Variants in MTMR14 observed in about 807,000 individuals in gnomAD.
MTMR14 encodes phosphatidylinositol-3,5-bisphosphate 3-phosphatase MTMR14.
Under a neutral mutation model 86.3 loss-of-function variants are expected in MTMR14, and 48 were observed. That is an observed-to-expected ratio of 0.56 (90% CI 0.44 to 0.71). The LOEUF is 0.71. Among genes scored for constraint, MTMR14 ranks in the 30% least tolerant of loss-of-function variants. The pLI is 0.00. For synonymous variants in MTMR14, 366 were observed against 326.1 expected, an observed-to-expected ratio of 1.12 and a Z score of -1.32; for missense variants, 780 against 834.6, an observed-to-expected ratio of 0.93 and a Z score of 0.81.
In MTMR14 at chr3:9,669,320, C is replaced by T. The variant is rs2048439460; in HGVS notation, c.494-112C>T. The T allele has an allele frequency of 4.0e-6, 4 of 997,112 alleles. No individual in the cohort carries two copies. The South Asian group carries it at 4.5e-5, about 11-fold the overall frequency. The allele number at this position is 997,112 out of a possible 1,614,324, so 61.8% of individuals were successfully genotyped here. ...CATACTGTGTCCTTAGGAGTAGAGC[C>T]ATGTAGTCCCAGCCCACCCTTGGCA... On this transcript the variant is annotated intron_variant, in intron 4 of 18. Coordinates refer to ENST00000296003, the MANE Select transcript of MTMR14 (RefSeq NM_001077525.3).
At chr3:9,691,919 G>T (rs1467603407) in intron 17 of MTMR14, among the ~76,000 whole-genome samples, 4 of 152,144 alleles carry the variant, frequency 2.6e-5, no homozygotes, top group African/African-American at 9.7e-5. Context: ...TCTTTCCGCT[G>T]GTCTGTTTGG....
At chr3:9,656,364 C>T (rs1050017360) in intron 2 of MTMR14, among the ~76,000 whole-genome samples, 25 of 151,958 alleles carry the variant, frequency 1.6e-4, no homozygotes, top group Admixed American at 1.6e-3. Context: ...TTGTTATGGC[C>T]CTGTTATTTA....
At chr3:9,683,331 G>T (rs1028733587) in intron 10 of MTMR14, 87 bp downstream of exon 10, 11 of 1,262,988 alleles carry the variant, frequency 8.7e-6, no homozygotes, top group Non-Finnish European at 1.2e-5. Flanking sequence ...GTTTGTTGGA[G>T]TTGCACACCT....
rs1038615359 is a variant in MTMR14, at chr3:9,649,517, C to A, written c.-67C>A. ...GAGGCGGTTCCGGAGGTTCTAGTGT[C>A]GGAGTTGGGTGCAGGCAGGTGCCAT... On this transcript the variant is annotated 5_prime_UTR_variant, in exon 1 of 19. Coordinates refer to ENST00000296003, the MANE Select transcript of MTMR14 (RefSeq NM_001077525.3). The A allele has an allele frequency of 3.4e-6, 5 of 1,485,690 alleles. No homozygotes were observed. The highest frequency in any genetic ancestry group is 4.5e-6 in the Non-Finnish European group (5 of 1,121,522). 92.0% of individuals were successfully genotyped at this position (1,485,690 alleles called of 1,614,324 possible). A position where few individuals can be genotyped will look rare whatever the true frequency, so the allele number is the denominator to read the frequency against.
chr3:9,698,886 A>G (rs2076364567), intron 18 of MTMR14, among the ~76,000 whole-genome samples: 1 of 151,932 alleles, frequency 6.6e-6, no homozygotes, highest in Admixed American at 6.6e-5. Flanking sequence ...AAAAAATTGC[A>G]GGCCGGGCAT....
intron 3 of MTMR14, among the ~76,000 whole-genome samples, chr3:9,666,674 G>C (rs2048270468): frequency 6.6e-6 from 1 of 152,154 alleles, no homozygotes; most frequent in African/African-American, 2.4e-5. Context: ...CTGGCTTTTA[G>C]ACCATTGAAA....
chr3:9,657,630 A>G (rs1313946158), intron 2 of MTMR14, among the ~76,000 whole-genome samples: 2 of 151,734 alleles, frequency 1.3e-5, no homozygotes, highest in African/African-American at 4.8e-5. Flanking sequence ...GGCTCACTGC[A>G]ACCTCTGCCG....
intron 3 of MTMR14, among the ~76,000 whole-genome samples, chr3:9,665,127 C>T (rs1331207084): frequency 6.6e-6 from 1 of 151,928 alleles, no homozygotes; most frequent in African/African-American, 2.4e-5. Context: ...AATAAAAATA[C>T]AAAAATTAGC....
chr3:9,674,915 C>G (rs2048771475), intron 7 of MTMR14, among the ~76,000 whole-genome samples: 1 of 152,198 alleles, frequency 6.6e-6, no homozygotes, highest in Non-Finnish European at 1.5e-5. Flanking sequence ...AGTTCAAGAC[C>G]AGCCTGACCA....
At position 9,667,083 on chromosome 3, in the gene MTMR14, T is replaced by C. The variant is rs148974135; in HGVS notation, c.418-1636T>C. ...CAATAGAAGGGATGTGGAAGAATAATTGGGAACAGAAAAAGGGTCTCAGAA... is the reference window on the plus strand; with the variant it reads ...CAATAGAAGGGATGTGGAAGAATAACTGGGAACAGAAAAAGGGTCTCAGAA... On this transcript the variant is annotated intron_variant, in intron 3 of 18. Transcript: ENST00000296003. 2.2e-3 allele frequency among the ~76,000 whole-genome samples: 342 copies of C among 152,238 alleles called. 4 individuals carry two copies. The highest frequency in any genetic ancestry group is 0.019 in the East Asian group (99 of 5,184).
chr3:9,701,902 G>C lies in MTMR14; in HGVS notation c.1882G>C (p.Ala628Pro), dbSNP rs755913682. The change falls in exon 19 of 19, where the codon GCC becomes CCC. Residue 628 changes from alanine to proline, a missense_variant. Physicochemically the swap from Ala to Pro is conservative, Grantham distance 27. Coordinates refer to ENST00000296003, the MANE Select transcript of MTMR14 (RefSeq NM_001077525.3). The surrounding 1 kb of genome is among the most constrained non-coding windows in gnomAD (Gnocchi z 4.2). ...GGCAGTAGCCCCCAGTCCTTCCGGT[G>C]CCATCGGGGGCCTGCTGGAGCAATT... ...LRAVAPSPSG[A>P]IGGLLEQFAR... The C allele has an allele frequency of 5.0e-6, 8 of 1,614,092 alleles. No individual in the cohort carries two copies. The highest frequency in any genetic ancestry group is 1.6e-4 in the Middle Eastern group (1 of 6,078).
intron 3 of MTMR14, among the ~76,000 whole-genome samples, chr3:9,666,977 C>A (rs538872796): frequency 1.3e-5 from 2 of 152,208 alleles, no homozygotes; most frequent in Non-Finnish European, 2.9e-5. Context: ...CACTTGGGGA[C>A]TTGGCCAACT....
At chr3:9,661,340 C>A (rs1000068009) in intron 2 of MTMR14, among the ~76,000 whole-genome samples, 3 of 152,186 alleles carry the variant, frequency 2.0e-5, no homozygotes, top group Admixed American at 2.0e-4. Flanking sequence ...AGATTCTCTG[C>A]AACCCCAGTC....
chr3:9,694,654 CTGTAGG>C (rs1202162294), intron 17 of MTMR14, among the ~76,000 whole-genome samples: 1 of 152,206 alleles, frequency 6.6e-6, no homozygotes, highest in African/African-American at 2.4e-5. Flanking sequence ...GTCCGAGAGC[CTGTAGG>C]CTCTGTCATG....
Position 9,677,465 on chromosome 3 carries a change from T to G in MTMR14, c.822+78T>G, listed in dbSNP as rs1039994415. 7.7e-7 allele frequency: 1 copy of G among 1,304,856 alleles called. No individual in the cohort carries two copies. Among genetic ancestry groups the G allele is most frequent in the African/African-American group, 1.5e-5 (1 of 68,830 alleles). 80.8% of individuals were successfully genotyped at this position (1,304,856 alleles called of 1,614,324 possible). A position where few individuals can be genotyped will look rare whatever the true frequency, so the allele number is the denominator to read the frequency against. On this transcript the variant is annotated intron_variant, in intron 8 of 18. Coordinates refer to ENST00000296003, the MANE Select transcript of MTMR14 (RefSeq NM_001077525.3). This position sits in a 1 kb window ranked among gnomAD's most constrained non-coding sequence, Gnocchi z 4.2. ...GCCAAGGAGAACAACAAGCAGTCTT[T>G]GGGGAAAACAACAAGCAGTCTTTGG...
chr3:9,673,511 A>G (rs2048685482), intron 7 of MTMR14, among the ~76,000 whole-genome samples: 1 of 152,192 alleles, frequency 6.6e-6, no homozygotes, highest in Non-Finnish European at 1.5e-5. Context: ...TTGTCAGCAG[A>G]CAACAGGGAG....
At position 9,649,693 on chromosome 3, in the gene MTMR14, C is replaced by G. The variant is rs2047166123; in HGVS notation, c.110C>G (p.Ser37Cys). The change falls in exon 1 of 19, where the codon TCC (serine) becomes TGC (cysteine). Residue 37 changes from serine to cysteine, a missense_variant. Transcript: ENST00000296003. ...CTTGGGGAGCTGCTGGAGGAGTTCT[C>G]CCGGACTCAGTACCGGGCCAAGGAT... is the stretch of plus-strand genomic sequence containing the variant. ...LGLGELLEEF[S>C]RTQYRAKDGS... 1.2e-6 allele frequency: 2 copies of G among 1,611,550 alleles called. No homozygotes were observed. Among genetic ancestry groups the G allele is most frequent in the East Asian group, 2.2e-5 (1 of 44,798 alleles).
At chr3:9,669,738 C>T (rs1052013602) in intron 5 of MTMR14, among the ~76,000 whole-genome samples, 1 of 152,182 alleles carries the variant, frequency 6.6e-6, no homozygotes, top group South Asian at 2.1e-4. Flanking sequence ...GAGAACATCC[C>T]ACTCTTGGGG....
At position 9,649,518 on chromosome 3, in the gene MTMR14, G is replaced by A. The variant is rs1349159012; in HGVS notation, c.-66G>A. 6.7e-6 allele frequency: 10 copies of A among 1,487,084 alleles called. No homozygotes were observed. The highest frequency in any genetic ancestry group is 2.8e-5 in the African/African-American group (2 of 70,998). The allele number at this position is 1,487,084 out of a possible 1,614,324, so 92.1% of individuals were successfully genotyped here. ...AGGCGGTTCCGGAGGTTCTAGTGTC[G>A]GAGTTGGGTGCAGGCAGGTGCCATG... On this transcript the variant is annotated 5_prime_UTR_variant, in exon 1 of 19. Coordinates refer to ENST00000296003, the MANE Select transcript of MTMR14 (RefSeq NM_001077525.3).
Sources: gnomAD v4.1 joint callset for allele counts (sites outside exome capture counted in the v4.1 genomes callset) on GRCh38, gnomAD v4.1.1 for gene constraint, Gnocchi (gnomAD v3.1) non-coding constraint, MANE v1.5 for transcripts, NCBI Gene and HGNC (gene_info 2026-07-23, HGNC 2026-07-21) for gene names.